The following GALNT3 variants were observed in gnomAD, a reference collection of about 807,000 sequenced individuals.
The protein encoded by GALNT3 is polypeptide N-acetylgalactosaminyltransferase 3.
GALNT3 carries 51 observed loss-of-function variants against 69.8 expected under a neutral mutation model. That is an observed-to-expected ratio of 0.73 (90% CI 0.58 to 0.92). The LOEUF (loss-of-function observed/expected upper bound fraction) is 0.92. GALNT3 is among the 40% of genes least tolerant of loss of function. The pLI is 0.00. For synonymous variants in GALNT3, 265 were observed against 248.5 expected (o/e 1.07, Z -0.63); for missense variants, 711 against 760.0 (o/e 0.94, Z 0.76).
chr2:165,762,076 G>T lies in GALNT3; in HGVS notation c.689-22C>A, dbSNP rs199677470. ...TACTCTGTAAGGAAAAAAAATCAGGGTTAATTCTTTCTAAATGCATTTTCA... is the reference window on the plus strand; with the variant it reads ...TACTCTGTAAGGAAAAAAAATCAGGTTTAATTCTTTCTAAATGCATTTTCA... On this transcript the variant is annotated intron_variant, in intron 3 of 10. Coordinates refer to ENST00000392701, the MANE Select transcript of GALNT3 (RefSeq NM_004482.4). 2.3e-5 allele frequency: 34 copies of T among 1,487,932 alleles called. No individual in the cohort carries two copies. In the Admixed American group the frequency reaches 5.7e-4, roughly 25 times the overall value. The allele number at this position is 1,487,932 out of a possible 1,614,324, so 92.2% of individuals were successfully genotyped here. A position where few individuals can be genotyped will look rare whatever the true frequency, so the allele number is the denominator to read the frequency against.
At chr2:165,790,669 A>C (rs1683327797) in intron 1 of GALNT3, among the ~76,000 whole-genome samples, 2 of 152,036 alleles carry the variant, frequency 1.3e-5, no homozygotes, top group Non-Finnish European at 2.9e-5. Context: ...ATGTAAAGGC[A>C]GGTTAAAATT....
chr2:165,773,870 T>C (rs137985068), intron 1 of GALNT3, among the ~76,000 whole-genome samples: 1 of 152,210 alleles, frequency 6.6e-6, no homozygotes, highest in African/African-American at 2.4e-5. Context: ...TACAATCTTA[T>C]CTCACTCTTG....
intron 1 of GALNT3, among the ~76,000 whole-genome samples, chr2:165,779,369 T>C (rs1484465852): frequency 6.6e-6 from 1 of 152,174 alleles, no homozygotes; most frequent in Non-Finnish European, 1.5e-5. Flanking sequence ...CAGCAAAGTC[T>C]ACACTTTTCA....
At chr2:165,753,574 A>C (rs1390172437) in intron 9 of GALNT3, among the ~76,000 whole-genome samples, 3 of 152,182 alleles carry the variant, frequency 2.0e-5, no homozygotes, top group Admixed American at 2.0e-4. Flanking sequence ...GCTTGAACTC[A>C]TCAGAGTATC....
At chr2:165,791,577 G>GA (rs200020672) in intron 1 of GALNT3, among the ~76,000 whole-genome samples, 2 of 151,690 alleles carry the variant, frequency 1.3e-5, no homozygotes, top group African/African-American at 2.4e-5. Flanking sequence ...GCAGTAAAAG[G>GA]AAAAAAAAGT....
chr2:165,769,999 A>G (rs1688719497), intron 2 of GALNT3, 187 bp downstream of exon 2: 4 of 693,174 alleles, frequency 5.8e-6, no homozygotes, highest in Non-Finnish European at 1.0e-5. Context: ...CTGCCTCACC[A>G]AGCATAAATA....
rs760830864 is a variant in GALNT3, at chr2:165,754,626, C to T, written c.1626+1G>A. 1 of 1,606,372 alleles carries T rather than the reference C, an allele frequency of 6.2e-7. No individual in the cohort carries two copies. Among genetic ancestry groups the T allele is most frequent in the Non-Finnish European group, 8.5e-7 (1 of 1,173,268 alleles). ...TGAAGGATTTTTAATGCAGTGCTCA[C>T]CTGGTTTCCCCCAAGTCCATGACAT... On this transcript the variant is annotated splice_donor_variant, in intron 9 of 10. Transcript: ENST00000392701. LOFTEE classifies it high-confidence loss of function.
chr2:165,781,968 G>A (rs1683120522), intron 1 of GALNT3, among the ~76,000 whole-genome samples: 1 of 152,130 alleles, frequency 6.6e-6, no homozygotes, highest in South Asian at 2.1e-4. Flanking sequence ...CAGGGGCCAT[G>A]TGGTTTGATA....
intron 1 of GALNT3, among the ~76,000 whole-genome samples, chr2:165,780,751 C>T (rs1683088448): frequency 6.6e-6 from 1 of 151,954 alleles, no homozygotes; most frequent in Non-Finnish European, 1.5e-5. Context: ...CAAGGCAATG[C>T]CATTAGAGTT....
intron 9 of GALNT3, among the ~76,000 whole-genome samples, chr2:165,752,526 C>T (rs1011736697): frequency 1.3e-5 from 2 of 152,116 alleles, no homozygotes; most frequent in African/African-American, 4.8e-5. Context: ...TGAATGTTTT[C>T]CCATCCCCCA....
intron 5 of GALNT3, 59 bp downstream of exon 5, chr2:165,759,277 T>C: frequency 1.5e-6 from 2 of 1,313,966 alleles, no homozygotes; most frequent in Non-Finnish European, 2.2e-6. Flanking sequence ...AAACAGTGTG[T>C]ACATATTCAA....
intron 1 of GALNT3, among the ~76,000 whole-genome samples, chr2:165,784,569 T>C (rs958407924): frequency 6.6e-6 from 1 of 152,028 alleles, no homozygotes; most frequent in African/African-American, 2.4e-5. Context: ...GCTAGCTAGC[T>C]AGGTGCTTGT....
chr2:165,748,872 AT>A lies in GALNT3; in HGVS notation c.1810del (p.Met604CysfsTer12), dbSNP rs1688305715. 6.2e-7 allele frequency: 1 copy of A among 1,610,814 alleles called. No homozygotes were observed. The highest frequency in any genetic ancestry group is 1.7e-5 in the Admixed American group (1 of 59,756). On this transcript the variant is annotated frameshift_variant, in exon 11 of 11. Transcript: ENST00000392701. LOFTEE classifies it high-confidence loss of function. Reference sequence around the variant, plus strand: ...ATGCTCTCCATTTGCTGAAAGGCACATTTTTAAGAATGGATTGTATAGAAGT... The same window carrying A: ...ATGCTCTCCATTTGCTGAAAGGCACATTTTAAGAATGGATTGTATAGAAGT... ...DQLLYNPFLK[M>X]CLSANGEHPS...
rs1304420813 is a variant in GALNT3 at position 165,755,081 on chromosome 2, A to G, written c.1393-18T>C. On this transcript the variant is annotated intron_variant, in intron 7 of 10. Transcript: ENST00000392701. Reference sequence around the variant, plus strand: ...AATGCTTTCTGTAGAAACATGAGAAATGAAGGGAATGCTTAATTAAAACAA... The same window carrying G: ...AATGCTTTCTGTAGAAACATGAGAAGTGAAGGGAATGCTTAATTAAAACAA... The G allele has an allele frequency of 6.2e-7, 1 of 1,602,452 alleles. No homozygotes were observed. Among genetic ancestry groups the G allele is most frequent in the Admixed American group, 1.7e-5 (1 of 59,972 alleles).
intron 9 of GALNT3, 125 bp downstream of exon 9, chr2:165,754,502 C>T: frequency 1.4e-6 from 1 of 714,394 alleles, no homozygotes; most frequent in Non-Finnish European, 2.4e-6. Context: ...CAAACTCAGT[C>T]TGAAAACATT....
At chr2:165,769,049 C>G (rs1688700365) in intron 2 of GALNT3, among the ~76,000 whole-genome samples, 1 of 149,946 alleles carries the variant, frequency 6.7e-6, no homozygotes, top group African/African-American at 2.4e-5. Context: ...CCCTCCTCGG[C>G]CTCCCAAAGT....
intron 1 of GALNT3, among the ~76,000 whole-genome samples, chr2:165,781,562 C>A (rs1440310051): frequency 6.6e-6 from 1 of 150,984 alleles, no homozygotes; most frequent in African/African-American, 2.4e-5. Flanking sequence ...CCCACCACTG[C>A]GTTCCATCCT....
At chr2:165,754,086 T>C (rs1047072598) in intron 9 of GALNT3, among the ~76,000 whole-genome samples, 1 of 151,970 alleles carries the variant, frequency 6.6e-6, no homozygotes, top group Admixed American at 6.6e-5. Context: ...TTTTTTTTTT[T>C]TTAATTTGTT....
chr2:165,749,417 A>C (rs2303394), intron 10 of GALNT3, among the ~76,000 whole-genome samples: 59,521 of 151,872 alleles, frequency 0.39, 12,969 homozygotes, highest in Non-Finnish European at 0.5. Flanking sequence ...CTTCTCTCTG[A>C]CAGAAAAAAA....
Sources: allele counts gnomAD v4.1 joint callset (sites outside exome capture counted in the v4.1 genomes callset), GRCh38; gene constraint gnomAD v4.1.1; transcripts MANE v1.5; gene names NCBI Gene and HGNC (gene_info 2026-07-23, HGNC 2026-07-21).